Variants in RAB4A observed in about 807,000 individuals in gnomAD.
The protein encoded by RAB4A is ras-related protein Rab-4A.
A neutral mutation model predicts 34.5 loss-of-function variants in RAB4A; 20 were observed. The observed-to-expected ratio is 0.58, with a 90% CI of 0.41 to 0.84. The LOEUF (loss-of-function observed/expected upper bound fraction) is 0.84. RAB4A is among the 40% of genes least tolerant of loss of function. The pLI is 0.00. For missense variants in RAB4A, 228 were observed against 274.5 expected (o/e 0.83, Z 1.20); for synonymous variants, 102 against 100.0 (o/e 1.02, Z -0.12).
intron 1 of RAB4A, among the ~76,000 whole-genome samples, chr1:229,275,802 T>C (rs1656628479): frequency 6.6e-6 from 1 of 151,658 alleles, no homozygotes; most frequent in African/African-American, 2.4e-5. Flanking sequence ...TTTTTTGTAT[T>C]TTTAGTAGAG....
At chr1:229,271,428 C>G (rs895158544) in intron 1 of RAB4A, 58 bp downstream of exon 1, 1 of 1,182,078 alleles carries the variant, frequency 8.5e-7, no homozygotes, top group Non-Finnish European at 1.0e-6. Flanking sequence ...GTCGGTGGCG[C>G]GGGGCCGGGC....
chr1:229,300,809 T>A (rs2102855789), intron 6 of RAB4A, among the ~76,000 whole-genome samples: 1 of 152,072 alleles, frequency 6.6e-6, no homozygotes, highest in East Asian at 1.9e-4. Context: ...GGAAGCAATG[T>A]GATCGTCCGG....
At chr1:229,292,905 C>T (rs939436258) in intron 3 of RAB4A, among the ~76,000 whole-genome samples, 1 of 152,052 alleles carries the variant, frequency 6.6e-6, no homozygotes, top group African/African-American at 2.4e-5. Context: ...TTAAAGGGGA[C>T]CCTCCAGGCT....
intron 6 of RAB4A, among the ~76,000 whole-genome samples, chr1:229,302,116 A>G (rs1353020888): frequency 1.3e-5 from 2 of 150,836 alleles, no homozygotes; most frequent in Non-Finnish European, 3.0e-5. Flanking sequence ...GGTTTCAAGT[A>G]TTTTGGATAA....
Position 229,305,760 on chromosome 1 carries a change from A to G in RAB4A, c.*1967A>G, listed in dbSNP as rs953610825. On this transcript the variant is annotated 3_prime_UTR_variant, in exon 8 of 8. Coordinates refer to ENST00000366690, the MANE Select transcript of RAB4A (RefSeq NM_004578.4). ...TTTAAGTGAAAATGAGAACATCACA[A>G]TTTGGGAATCTGTAATGGTTTTGTT... 2.0e-5 allele frequency: 3 copies of G among 152,488 alleles called. No individual in the cohort carries two copies. Among genetic ancestry groups the G allele is most frequent in the Middle Eastern group, 3.4e-3 (1 of 296 alleles). 9.4% of individuals were successfully genotyped at this position (152,488 alleles called of 1,614,324 possible).
intron 2 of RAB4A, among the ~76,000 whole-genome samples, chr1:229,287,819 T>G (rs1212356838): frequency 6.6e-6 from 1 of 152,218 alleles, no homozygotes; most frequent in Non-Finnish European, 1.5e-5. Context: ...TAAATCCAGT[T>G]GCCAGTGGCA....
rs75121850 is a variant in RAB4A, at chr1:229,283,372, G to T, written c.32-3114G>T. On this transcript the variant is annotated intron_variant, in intron 1 of 7. Coordinates refer to ENST00000366690, the MANE Select transcript of RAB4A (RefSeq NM_004578.4). Reference sequence around the variant, plus strand: ...GATATGCCCGGTTGTAGCCTTGCAAGGGTGGAAGTTTAGGCTCCCCATTCG... The same window carrying T: ...GATATGCCCGGTTGTAGCCTTGCAATGGTGGAAGTTTAGGCTCCCCATTCG... Among the ~76,000 whole-genome samples the T allele has an allele frequency of 1.0e-2, 1,519 of 152,354 alleles. 31 individuals are homozygous for T. Among genetic ancestry groups the T allele is most frequent in the African/African-American group, 0.035 (1,452 of 41,574 alleles).
At position 229,305,115 on chromosome 1, in the gene RAB4A, A is replaced by C; in HGVS notation, c.*1322A>C. The C allele has an allele frequency of 6.4e-7, 1 of 1,567,074 alleles. No homozygotes were observed. Among genetic ancestry groups the C allele is most frequent in the South Asian group, 1.2e-5 (1 of 81,042 alleles). On this transcript the variant is annotated 3_prime_UTR_variant, in exon 8 of 8. Transcript: ENST00000366690. Reference sequence around the variant, plus strand: ...TTATTTTAATCAGCAGAGCACAGAGACACATAAAAACTCTGGGAAATGACT... The same window carrying C: ...TTATTTTAATCAGCAGAGCACAGAGCCACATAAAAACTCTGGGAAATGACT...
chr1:229,292,641 CCTGA>C (rs1281831579), intron 3 of RAB4A, among the ~76,000 whole-genome samples: 10 of 152,272 alleles, frequency 6.6e-5, no homozygotes, highest in Admixed American at 2.0e-4. Context: ...CTTGAAGCTT[CCTGA>C]CTAAGAGCTA....
intron 3 of RAB4A, among the ~76,000 whole-genome samples, chr1:229,291,761 A>AT (rs1657092866): frequency 6.6e-6 from 1 of 152,072 alleles, no homozygotes; most frequent in African/African-American, 2.4e-5. Flanking sequence ...GAGGCAGGAG[A>AT]TGGCTGTGTT....
At chr1:229,300,553 G>T (rs1657355922) in intron 6 of RAB4A, among the ~76,000 whole-genome samples, 1 of 152,200 alleles carries the variant, frequency 6.6e-6, no homozygotes, top group South Asian at 2.1e-4. Context: ...AGGAGGAAGG[G>T]CCAGCAGGGG....
At chr1:229,280,580 A>G (rs1656756157) in intron 1 of RAB4A, among the ~76,000 whole-genome samples, 1 of 151,948 alleles carries the variant, frequency 6.6e-6, no homozygotes, top group African/African-American at 2.4e-5. Context: ...TAAGCTTTCT[A>G]TTTTGAGATC....
intron 4 of RAB4A, among the ~76,000 whole-genome samples, chr1:229,296,657 C>A (rs999053459): frequency 6.6e-6 from 1 of 152,096 alleles, no homozygotes; most frequent in Non-Finnish European, 1.5e-5. Flanking sequence ...TAAATGGCAT[C>A]ATCTGGGGGC....
rs1571840774 is a variant in RAB4A at position 229,305,588 on chromosome 1, G to A, written c.*1795G>A. On this transcript the variant is annotated 3_prime_UTR_variant, in exon 8 of 8. Coordinates refer to ENST00000366690, the MANE Select transcript of RAB4A (RefSeq NM_004578.4). ...GGTATTGTTCAGGCTAGTAATAAATGTCATGTTTCTATTTCCCGCAACTCA... is the reference window on the plus strand; with the variant it reads ...GGTATTGTTCAGGCTAGTAATAAATATCATGTTTCTATTTCCCGCAACTCA... 2 of 226,682 alleles carry A rather than the reference G, an allele frequency of 8.8e-6. No individual in the cohort carries two copies. The highest frequency in any genetic ancestry group is 1.8e-4 in the South Asian group (1 of 5,548). 14.0% of individuals were successfully genotyped at this position (226,682 alleles called of 1,614,324 possible). A position where few individuals can be genotyped will look rare whatever the true frequency, so the allele number is the denominator to read the frequency against.
intron 1 of RAB4A, among the ~76,000 whole-genome samples, chr1:229,283,729 CTT>C (rs112378440): frequency 8.5e-5 from 12 of 141,552 alleles, no homozygotes; most frequent in African/African-American, 7.8e-5. Context: ...CTTTCAGAGT[CTT>C]TTTTTTTTTT....
rs1657510379 is a variant in RAB4A, at chr1:229,304,928, A to C, written c.*1135A>C. ...TTGTATTTTAAAATGTCAGTGCAAA[A>C]AATATATGGTGGAACCTTTCTTTAA... On this transcript the variant is annotated 3_prime_UTR_variant, in exon 8 of 8. Transcript: ENST00000366690. 1 of 440,840 alleles carries C rather than the reference A, an allele frequency of 2.3e-6. No individual in the cohort carries two copies. Among genetic ancestry groups the C allele is most frequent in the East Asian group, 5.3e-5 (1 of 18,736 alleles). 27.3% of individuals were successfully genotyped at this position (440,840 alleles called of 1,614,324 possible). A position where few individuals can be genotyped will look rare whatever the true frequency, so the allele number is the denominator to read the frequency against.
chr1:229,300,934 AAATC>A (rs901103034), intron 6 of RAB4A, among the ~76,000 whole-genome samples: 1 of 152,192 alleles, frequency 6.6e-6, no homozygotes, highest in African/African-American at 2.4e-5. Context: ...TGTGTGAAGA[AAATC>A]AAGGGAATGT....
At chr1:229,284,094 GT>G (rs773213321) in intron 1 of RAB4A, among the ~76,000 whole-genome samples, 7,364 of 46,218 alleles carry the variant, frequency 0.16, 168 homozygotes, top group African/African-American at 0.2. Flanking sequence ...GTGTTGTTTG[GT>G]TTTTTTTTTT....
intron 6 of RAB4A, among the ~76,000 whole-genome samples, chr1:229,300,555 C>A (rs1657356084): frequency 6.6e-6 from 1 of 152,108 alleles, no homozygotes; most frequent in South Asian, 2.1e-4. Context: ...GAGGAAGGGC[C>A]AGCAGGGGAG....
Sources: gnomAD v4.1 joint callset for allele counts (sites outside exome capture counted in the v4.1 genomes callset) on GRCh38, gnomAD v4.1.1 for gene constraint, MANE v1.5 for transcripts, NCBI Gene and HGNC (gene_info 2026-07-23, HGNC 2026-07-21) for gene names.